ZNF420: variants seen among roughly 807,000 people sequenced by gnomAD.
ZNF420 encodes the protein zinc finger protein 420.
Under a neutral mutation model 44.7 loss-of-function variants are expected in ZNF420, and 31 were observed. That is an observed-to-expected ratio of 0.69 (90% CI 0.52 to 0.94). The LOEUF (loss-of-function observed/expected upper bound fraction) is 0.94. ZNF420 is among the 40% of genes least tolerant of loss of function. The probability of loss-of-function intolerance (pLI) is 0.00; values close to 1 mark genes in which losing one functional copy is unlikely to be tolerated. For synonymous variants in ZNF420, 245 were observed against 267.4 expected, an observed-to-expected ratio of 0.92 and a Z score of 0.82; for missense variants, 681 against 827.9, an observed-to-expected ratio of 0.82 and a Z score of 2.18.
intron 1 of ZNF420, among the ~76,000 whole-genome samples, chr19:37,059,166 C>G (rs1445705217): frequency 6.6e-6 from 1 of 152,198 alleles, no homozygotes; most frequent in Non-Finnish European, 1.5e-5. Flanking sequence ...CTCAAGGAGG[C>G]CCTGAAGACA....
chr19:37,061,223 T>G (rs2146441022), intron 1 of ZNF420, among the ~76,000 whole-genome samples: 1 of 152,348 alleles, frequency 6.6e-6, no homozygotes, highest in East Asian at 1.9e-4. Flanking sequence ...GGCTCTACTT[T>G]GGATTTGCCC....
intron 4 of ZNF420, among the ~76,000 whole-genome samples, chr19:37,113,818 A>AT (rs1970510876): frequency 6.6e-6 from 1 of 151,990 alleles, no homozygotes; most frequent in Non-Finnish European, 1.5e-5. Flanking sequence ...TGGCAGCCCT[A>AT]TTTTTTTGGA....
intron 1 of ZNF420, among the ~76,000 whole-genome samples, chr19:37,023,557 G>A (rs1411453441): frequency 6.6e-6 from 1 of 152,020 alleles, no homozygotes; most frequent in Non-Finnish European, 1.5e-5. Context: ...GTAGGGACAG[G>A]GTTTTGCCGT....
At chr19:37,008,588 G>T (rs190479890) in intron 1 of ZNF420, among the ~76,000 whole-genome samples, 1 of 152,312 alleles carries the variant, frequency 6.6e-6, no homozygotes, top group African/African-American at 2.4e-5. Context: ...TTTTAAGTCC[G>T]CGAGACTCTT....
chr19:37,018,533 T>G (rs1254644075), intron 1 of ZNF420, among the ~76,000 whole-genome samples: 3 of 152,170 alleles, frequency 2.0e-5, no homozygotes, highest in African/African-American at 7.2e-5. Flanking sequence ...AAACTGGGTA[T>G]CTACATAAAA....
chr19:37,036,934 T>TC (rs1423345711), intron 1 of ZNF420, among the ~76,000 whole-genome samples: 1 of 152,246 alleles, frequency 6.6e-6, no homozygotes, highest in Non-Finnish European at 1.5e-5. Context: ...TGTAGAATTC[T>TC]CAGATTCTTT....
intron 4 of ZNF420, among the ~76,000 whole-genome samples, chr19:37,122,283 A>G (rs999285739): frequency 6.6e-6 from 1 of 152,238 alleles, no homozygotes; most frequent in African/African-American, 2.4e-5. Flanking sequence ...GTATGCAGCC[A>G]TAAAAAATGA....
At chr19:37,047,716 G>A (rs1280505838) in intron 1 of ZNF420, among the ~76,000 whole-genome samples, 2 of 152,034 alleles carry the variant, frequency 1.3e-5, no homozygotes, top group South Asian at 2.1e-4. Context: ...TTCACTATTT[G>A]TTAGTGTCCA....
chr19:37,010,259 G>A (rs1298930221), intron 1 of ZNF420, among the ~76,000 whole-genome samples: 1 of 152,168 alleles, frequency 6.6e-6, no homozygotes, highest in Non-Finnish European at 1.5e-5. Flanking sequence ...GTCGCGGAGG[G>A]CGGACCAGCA....
At chr19:37,011,331 A>G (rs561136766) in intron 1 of ZNF420, among the ~76,000 whole-genome samples, 1 of 152,162 alleles carries the variant, frequency 6.6e-6, no homozygotes, top group African/African-American at 2.4e-5. Flanking sequence ...TCCATGTTTC[A>G]TGGGATGGCT....
chr19:37,117,593 C>A (rs1170354116), intron 4 of ZNF420, among the ~76,000 whole-genome samples: 1 of 152,138 alleles, frequency 6.6e-6, no homozygotes, highest in African/African-American at 2.4e-5. Context: ...TGCAGTTCCT[C>A]ACCAGCAACA....
intron 4 of ZNF420, among the ~76,000 whole-genome samples, chr19:37,120,863 T>G (rs2145297430): frequency 6.6e-6 from 1 of 152,174 alleles, no homozygotes; most frequent in Non-Finnish European, 1.5e-5. Context: ...ATGAGTGAAC[T>G]CCCATTCACA....
At chr19:37,076,413 T>C (rs566418875), upstream of ZNF420, among the ~76,000 whole-genome samples, 2 of 152,282 alleles carry the variant, frequency 1.3e-5, no homozygotes, top group East Asian at 3.9e-4. Flanking sequence ...CTAGGGTACA[T>C]GTGCACAACG....
intron 1 of ZNF420, among the ~76,000 whole-genome samples, chr19:37,068,552 A>C (rs1968007594): frequency 6.6e-6 from 1 of 152,194 alleles, no homozygotes; most frequent in African/African-American, 2.4e-5. Context: ...AGGCAGGAGA[A>C]TTGCTTGAAC....
rs184342413 is a variant in ZNF420, at chr19:37,104,301, C to T, written c.136+13180C>T. On this transcript the variant is annotated intron_variant, in intron 4 of 4. Coordinates refer to ENST00000337995, the MANE Select transcript of ZNF420 (RefSeq NM_144689.5). ...GTTTCCGGCGTCATCCATGTCCCTACGAAGGACATGAACTCATCCTTTTTT... is the reference window on the plus strand; with the variant it reads ...GTTTCCGGCGTCATCCATGTCCCTATGAAGGACATGAACTCATCCTTTTTT... Among the ~76,000 whole-genome samples the T allele has an allele frequency of 4.5e-3, 681 of 152,176 alleles. 3 individuals carry two copies. The highest frequency in any genetic ancestry group is 4.2e-3 in the African/African-American group (176 of 41,540).
intron 4 of ZNF420, among the ~76,000 whole-genome samples, chr19:37,119,212 T>C: frequency 6.6e-6 from 1 of 151,892 alleles, no homozygotes; most frequent in Non-Finnish European, 1.5e-5. Flanking sequence ...ACTGACCACA[T>C]AGTTCGAAGT....
chr19:37,028,635 A>G (rs1291269867), intron 1 of ZNF420, among the ~76,000 whole-genome samples: 4 of 152,116 alleles, frequency 2.6e-5, no homozygotes, highest in East Asian at 3.9e-4. Context: ...GAGGATCTCT[A>G]TTACTGAGAA....
chr19:37,116,746 C>T (rs1268944669), intron 4 of ZNF420, among the ~76,000 whole-genome samples: 1 of 152,222 alleles, frequency 6.6e-6, no homozygotes, highest in East Asian at 1.9e-4. Context: ...AATTGGGTCA[C>T]TCCCACCCTA....
In ZNF420 at chr19:37,115,609, G is replaced by C. The variant is rs532110294; in HGVS notation, c.137-11519G>C. The stretch of plus-strand genomic sequence containing the variant: ...CCTAAGGCAGTTTTCTTCTATCTCA[G>C]TAAATAGAACATACAATTGGGTTTT... On this transcript the variant is annotated intron_variant, in intron 4 of 4. Transcript: ENST00000337995. 2.2e-4 allele frequency among the ~76,000 whole-genome samples: 34 copies of C among 152,068 alleles called. No homozygotes were observed. In the South Asian group the frequency reaches 2.9e-3, roughly 13 times the overall value.
Sources: allele counts gnomAD v4.1 joint callset (sites outside exome capture counted in the v4.1 genomes callset), GRCh38; gene constraint gnomAD v4.1.1; transcripts MANE v1.5; gene names NCBI Gene and HGNC (gene_info 2026-07-23, HGNC 2026-07-21).